Variants in ASXL1 observed in about 807,000 individuals in gnomAD.
ASXL1 encodes the protein ASXL transcriptional regulator 1.
ASXL1 carries 65 observed loss-of-function variants against 89.1 expected under a neutral mutation model. The observed-to-expected ratio is 0.73, with a 90% confidence interval of 0.60 to 0.90. ASXL1 has a LOEUF of 0.90. Ranked by LOEUF, ASXL1 falls within the 40% of genes least tolerant of loss-of-function variation. ASXL1 has a pLI of 0.00. For synonymous variants in ASXL1, 739 were observed against 746.9 expected (o/e 0.99, Z 0.17); for missense variants, 1,786 against 1,942.9 (o/e 0.92, Z 1.52).
chr20:32,433,391 G>T lies in ASXL1; in HGVS notation c.1193G>T (p.Gly398Val), dbSNP rs781178976. The T allele has an allele frequency of 1.2e-6, 2 of 1,614,162 alleles. No homozygotes were observed. Among genetic ancestry groups the T allele is most frequent in the Non-Finnish European group, 1.7e-6 (2 of 1,180,038 alleles). ...GGAGAATCAGTGCGTATACAGCGTG[G>T]TCCAGCCACCCGACAGCGAGATGGG... ...VPGESVRIQRGPATRQRDGHF... is the reference protein window; with the variant it reads ...VPGESVRIQRVPATRQRDGHF... Residue 398 changes from glycine to valine, a missense_variant, in exon 12 of 13, where the codon GGT becomes GTT. Transcript: ENST00000375687.
chr20:32,373,664 C>A (rs1163289577), intron 4 of ASXL1, among the ~76,000 whole-genome samples: 1 of 151,928 alleles, frequency 6.6e-6, no homozygotes, highest in South Asian at 2.1e-4. Context: ...GTCAGGAGTT[C>A]GAGACCAGCC....
Position 32,439,173 on chromosome 20 carries a change from T to C in ASXL1, c.*1835T>C, listed in dbSNP as rs2012082004. 4.3e-6 allele frequency: 1 copy of C among 233,606 alleles called. No homozygotes were observed. Among genetic ancestry groups the C allele is most frequent in the East Asian group, 6.0e-5 (1 of 16,572 alleles). 14.5% of individuals were successfully genotyped at this position (233,606 alleles called of 1,614,324 possible). On this transcript the variant is annotated 3_prime_UTR_variant, in exon 13 of 13. Coordinates refer to ENST00000375687, the MANE Select transcript of ASXL1 (RefSeq NM_015338.6). ...GACCGGGAACAGGGGCCCAAACATG[T>C]CCAGTCCTCTTCTTCCCTCTGCTGG...
In ASXL1 at chr20:32,369,117, G is replaced by A. The variant is rs140562623; in HGVS notation, c.246G>A (p.Thr82=). ...YKLPGRISLF[T]LKKDALQWSR... is the part of the protein sequence containing the mutation. ...TGCCTGGCCGAATCAGCCTTTTCAC[G>A]CTCAAGGTAAGTGATATGAACTCTC... is the stretch of plus-strand genomic sequence containing the variant. The change falls in exon 4 of 13, where the codon ACG becomes ACA. Residue 82 remains threonine, a synonymous_variant. Coordinates refer to ENST00000375687, the MANE Select transcript of ASXL1 (RefSeq NM_015338.6). 44 of 1,606,264 alleles carry A rather than the reference G, an allele frequency of 2.7e-5. 2 individuals carry two copies. Among genetic ancestry groups the A allele is most frequent in the South Asian group, 1.3e-4 (12 of 90,932 alleles).
At chr20:32,387,212 A>G (rs1306658253) in intron 4 of ASXL1, among the ~76,000 whole-genome samples, 1 of 152,142 alleles carries the variant, frequency 6.6e-6, no homozygotes, top group African/African-American at 2.4e-5. Context: ...AGGCTGAGGT[A>G]CGAGAATCAC....
intron 4 of ASXL1, among the ~76,000 whole-genome samples, chr20:32,391,219 G>A (rs563664026): frequency 6.6e-6 from 1 of 152,078 alleles, no homozygotes; most frequent in African/African-American, 2.4e-5. Context: ...TTGCAGGATA[G>A]TATCTCATTG....
chr20:32,400,093 G>A (rs1002928881), intron 4 of ASXL1, among the ~76,000 whole-genome samples: 2 of 67,162 alleles, frequency 3.0e-5, no homozygotes, highest in African/African-American at 8.7e-5. Flanking sequence ...TTAGAATTTT[G>A]ATTTGGTTTA....
At chr20:32,371,773 C>T (rs961362043) in intron 4 of ASXL1, 1 of 449,406 alleles carries the variant, frequency 2.2e-6, no homozygotes, top group Non-Finnish European at 4.5e-6. Context: ...TAAATTTTTT[C>T]CTAGAGATGA....
At chr20:32,424,521 C>A (rs781767227) in intron 4 of ASXL1, among the ~76,000 whole-genome samples, 3 of 152,104 alleles carry the variant, frequency 2.0e-5, no homozygotes, top group Non-Finnish European at 4.4e-5. Flanking sequence ...GGTGACAGAG[C>A]GAGACTCTTG....
chr20:32,379,161 C>CTTTTTTTTTTTTTTTTTT (rs71187113), intron 4 of ASXL1, among the ~76,000 whole-genome samples: 4 of 61,760 alleles, frequency 6.5e-5, no homozygotes, highest in East Asian at 6.5e-4. Flanking sequence ...TAACTTCAGT[C>CTTTTTTTTTTTTTTTTTT]TTTTTTTTTT....
intron 1 of ASXL1, among the ~76,000 whole-genome samples, chr20:32,362,186 A>G (rs1481450053): frequency 6.6e-6 from 1 of 152,242 alleles, no homozygotes; most frequent in Non-Finnish European, 1.5e-5. Context: ...GAGGGAACGT[A>G]GGACAGTTGA....
intron 4 of ASXL1, among the ~76,000 whole-genome samples, chr20:32,383,911 C>G (rs1258827648): frequency 6.6e-6 from 1 of 152,168 alleles, no homozygotes; most frequent in Admixed American, 6.5e-5. Flanking sequence ...ACATCCTGAT[C>G]TCCTAAGGCA....
chr20:32,396,581 A>G (rs965779596), intron 4 of ASXL1, among the ~76,000 whole-genome samples: 1 of 152,206 alleles, frequency 6.6e-6, no homozygotes, highest in African/African-American at 2.4e-5. Context: ...CCTCTTCCCT[A>G]ACTGTTGCAT....
chr20:32,428,280 C>G (rs1301074727), intron 5 of ASXL1, 32 bp downstream of exon 5: 2 of 1,614,152 alleles, frequency 1.2e-6, no homozygotes, highest in African/African-American at 2.7e-5. Context: ...GGTGAGGGAG[C>G]CACAGCAGGC....
chr20:32,416,086 A>G (rs1384848621), intron 4 of ASXL1, among the ~76,000 whole-genome samples: 1 of 152,190 alleles, frequency 6.6e-6, no homozygotes, highest in East Asian at 1.9e-4. Context: ...GAAAATTGAG[A>G]TATAATAGTT....
chr20:32,434,226 G>A, intron 12 of ASXL1: 1 of 719,504 alleles, frequency 1.4e-6, no homozygotes, highest in Non-Finnish European at 2.3e-6. Context: ...AAATTTAGAA[G>A]TGTGGCATAT....
At position 32,420,837 on chromosome 20, in the gene ASXL1, G is replaced by T. The variant is rs1192806472; in HGVS notation, c.253-7291G>T. 2.0e-5 allele frequency among the ~76,000 whole-genome samples: 3 copies of T among 152,198 alleles called. No homozygotes were observed. The East Asian group carries it at 5.8e-4, about 29-fold the overall frequency. On this transcript the variant is annotated intron_variant, in intron 4 of 12. Coordinates refer to ENST00000375687, the MANE Select transcript of ASXL1 (RefSeq NM_015338.6). Reference sequence around the variant, plus strand: ...TGAAAGACTTGAACAGATACTTAAAGAGGAAGATATGAATATGGCCAATAA... The same window carrying T: ...TGAAAGACTTGAACAGATACTTAAATAGGAAGATATGAATATGGCCAATAA...
In ASXL1 at chr20:32,434,644, G is replaced by GC; in HGVS notation, c.1932_1933insC (p.Gly645ArgfsTer13). The GC allele has an allele frequency of 6.2e-7, 1 of 1,605,218 alleles. No individual in the cohort carries two copies. The highest frequency in any genetic ancestry group is 8.5e-7 in the Non-Finnish European group (1 of 1,175,742). ...CGGCCACCACTGCCATCGGAGGGGG[G>GC]GGTGGCCCGGGTGGAGGTGGCGGCG... On this transcript the variant is annotated frameshift_variant, in exon 13 of 13. Transcript: ENST00000375687. LOFTEE classifies it low-confidence loss of function (END_TRUNC).
chr20:32,431,382 C>T lies in ASXL1; in HGVS notation c.780C>T (p.Val260=). 6.2e-7 allele frequency: 1 copy of T among 1,614,192 alleles called. No homozygotes were observed. The highest frequency in any genetic ancestry group is 8.5e-7 in the Non-Finnish European group (1 of 1,180,038). The change falls in exon 9 of 13, where the codon GTC becomes GTT. Residue 260 remains valine, a synonymous_variant. Coordinates refer to ENST00000375687, the MANE Select transcript of ASXL1 (RefSeq NM_015338.6). Reference sequence around the variant, plus strand: ...TTGAGACACCTGGGTCCATTCTTGTCAACACCAACCTCCGTGCCCTGATCA... The same window carrying T: ...TTGAGACACCTGGGTCCATTCTTGTTAACACCAACCTCCGTGCCCTGATCA... ...IDFETPGSIL[V]NTNLRALINS...
chr20:32,400,101 T>TA, intron 4 of ASXL1, among the ~76,000 whole-genome samples: 1 of 54,480 alleles, frequency 1.8e-5, no homozygotes, highest in Non-Finnish European at 4.7e-5. Flanking sequence ...TTGATTTGGT[T>TA]TAAAAAAAAA....
Sources: gnomAD v4.1 joint callset for allele counts (sites outside exome capture counted in the v4.1 genomes callset) on GRCh38, gnomAD v4.1.1 for gene constraint, MANE v1.5 for transcripts, NCBI Gene and HGNC (gene_info 2026-07-23, HGNC 2026-07-21) for gene names.